Variants in FSTL4 observed in about 807,000 individuals in gnomAD.
FSTL4 encodes the protein follistatin like 4.
FSTL4 carries 28 observed loss-of-function variants against 78.2 expected under a neutral mutation model. The observed-to-expected ratio is 0.36, with a 90% confidence interval of 0.27 to 0.49. FSTL4 has a LOEUF of 0.49. Ranked by LOEUF, FSTL4 falls within the 20% of genes least tolerant of loss-of-function variation. The pLI, the probability that FSTL4 is intolerant of heterozygous loss-of-function variation, is 0.98. For synonymous variants in FSTL4, 422 were observed against 440.5 expected, an observed-to-expected ratio of 0.96 and a Z score of 0.53; for missense variants, 922 against 1,084.9, an observed-to-expected ratio of 0.85 and a Z score of 2.11.
At chr5:133,231,921 G>A (rs78417974) in intron 8 of FSTL4, among the ~76,000 whole-genome samples, 4,530 of 152,166 alleles carry the variant, frequency 0.03, 229 homozygotes, top group African/African-American at 0.1. Context: ...GGGAAACACC[G>A]ACCATTCCCA....
intron 3 of FSTL4, among the ~76,000 whole-genome samples, chr5:133,504,189 T>TCGGGGGGAGG (rs1418639086): frequency 1.6e-4 from 24 of 152,102 alleles, no homozygotes; most frequent in Non-Finnish European, 3.2e-4. Flanking sequence ...ATCAATCATT[T>TCGGGGGGAGG]ACCCCCAAAA....
intron 8 of FSTL4, among the ~76,000 whole-genome samples, chr5:133,232,117 C>T (rs1045698228): frequency 1.3e-5 from 2 of 152,096 alleles, no homozygotes; most frequent in African/African-American, 4.8e-5. Context: ...ATTTCTTTTT[C>T]CTTCCTATGA....
At chr5:133,760,304 C>T in the FSTL4 span, among the ~76,000 whole-genome samples, 1 of 152,140 alleles carries the variant, frequency 6.6e-6, no homozygotes, top group African/African-American at 2.4e-5. Context: ...TCCAGTCTCA[C>T]CAGAATTATG....
the FSTL4 span, among the ~76,000 whole-genome samples, chr5:133,649,809 C>T: frequency 5.3e-5 from 8 of 151,964 alleles, no homozygotes; most frequent in African/African-American, 1.9e-4. Flanking sequence ...TGTAGTCTGC[C>T]TTTTCATTCT....
intron 3 of FSTL4, among the ~76,000 whole-genome samples, chr5:133,563,329 C>T (rs964835757): frequency 1.3e-5 from 2 of 152,214 alleles, no homozygotes; most frequent in African/African-American, 4.8e-5. Flanking sequence ...ACATAAGGTA[C>T]AAACACCCTT....
intron 6 of FSTL4, among the ~76,000 whole-genome samples, chr5:133,284,207 G>A (rs919997245): frequency 6.6e-6 from 1 of 152,198 alleles, no homozygotes; most frequent in Non-Finnish European, 1.5e-5. Flanking sequence ...CTTCTCTCAC[G>A]CTGATCCAGC....
chr5:133,674,312 C>T, the FSTL4 span, among the ~76,000 whole-genome samples: 1 of 152,104 alleles, frequency 6.6e-6, no homozygotes, highest in Non-Finnish European at 1.5e-5. Context: ...ATATTTGTTC[C>T]CACCTACTAC....
the FSTL4 span, among the ~76,000 whole-genome samples, chr5:133,632,497 G>A: frequency 6.6e-6 from 1 of 152,072 alleles, no homozygotes; most frequent in Non-Finnish European, 1.5e-5. Context: ...TTTCAAGGTA[G>A]TTCTGCTGGA....
chr5:133,719,394 G>C, the FSTL4 span, among the ~76,000 whole-genome samples: 1 of 152,018 alleles, frequency 6.6e-6, no homozygotes, highest in Non-Finnish European at 1.5e-5. Context: ...TTGAGGCCAG[G>C]CGCGATGGCT....
rs1372687737 is a variant in FSTL4, at chr5:133,197,890, G to A, written c.*1205C>T. 1 of 152,408 alleles carries A rather than the reference G, an allele frequency of 6.6e-6. No individual in the cohort carries two copies. Among genetic ancestry groups the A allele is most frequent in the African/African-American group, 2.4e-5 (1 of 41,438 alleles). 9.4% of individuals were successfully genotyped at this position (152,408 alleles called of 1,614,324 possible). A position where few individuals can be genotyped will look rare whatever the true frequency, so the allele number is the denominator to read the frequency against. ...ACAGCCTGAGACACATAAGGAGAAT[G>A]CAGTAGTGCCAGCCTGTGGCCTTCT... is the stretch of plus-strand genomic sequence containing the variant. On this transcript the variant is annotated 3_prime_UTR_variant, in exon 16 of 16. Transcript: ENST00000265342.
At chr5:133,561,548 C>G (rs1441399132) in intron 3 of FSTL4, among the ~76,000 whole-genome samples, 1 of 152,078 alleles carries the variant, frequency 6.6e-6, no homozygotes, top group African/African-American at 2.4e-5. Flanking sequence ...TTGTGGCCAT[C>G]CTGGAAGGCT....
intron 3 of FSTL4, among the ~76,000 whole-genome samples, chr5:133,487,128 G>A (rs1434654741): frequency 6.6e-6 from 1 of 152,202 alleles, no homozygotes; most frequent in Admixed American, 6.5e-5. Flanking sequence ...GAAGGACCCT[G>A]TGAGCACATT....
intron 3 of FSTL4, among the ~76,000 whole-genome samples, chr5:133,428,810 C>T (rs1795378139): frequency 6.6e-6 from 1 of 152,178 alleles, no homozygotes; most frequent in South Asian, 2.1e-4. Context: ...ATTGTCAATG[C>T]CAGCCCAGGG....
At chr5:133,495,447 G>T (rs751356731) in intron 3 of FSTL4, among the ~76,000 whole-genome samples, 3 of 152,174 alleles carry the variant, frequency 2.0e-5, no homozygotes, top group African/African-American at 4.8e-5. Flanking sequence ...CATCTCTAAG[G>T]GGATGAGCGA....
chr5:133,498,053 A>T (rs1200350080), intron 3 of FSTL4, among the ~76,000 whole-genome samples: 1 of 152,102 alleles, frequency 6.6e-6, no homozygotes, highest in African/African-American at 2.4e-5. Flanking sequence ...GGAGAGAGGG[A>T]AGCCTCTGCT....
rs1449346174 is a variant in FSTL4 at position 133,338,406 on chromosome 5, C to T, written c.410-21754G>A. ...GTTCTCAGGCCCTTTTAAAGGTGGT[C>T]GTTGCTGAGAGTATTTGGCTGCTTC... is the stretch of plus-strand genomic sequence containing the variant. On this transcript the variant is annotated intron_variant, in intron 4 of 15. Coordinates refer to ENST00000265342, the MANE Select transcript of FSTL4 (RefSeq NM_015082.2). The surrounding 1 kb of genome is among the most constrained non-coding windows in gnomAD (Gnocchi z 4.0). Among the ~76,000 whole-genome samples, 3 of 152,260 alleles carry T rather than the reference C, an allele frequency of 2.0e-5. No individual in the cohort carries two copies. The highest frequency in any genetic ancestry group is 2.1e-4 in the South Asian group (1 of 4,822).
At chr5:133,471,440 G>A (rs956679465) in intron 3 of FSTL4, among the ~76,000 whole-genome samples, 1 of 152,134 alleles carries the variant, frequency 6.6e-6, no homozygotes, top group African/African-American at 2.4e-5. Context: ...GCCTTTGGGA[G>A]GTGATTAGGT....
chr5:133,224,073 T>C, intron 11 of FSTL4, 117 bp downstream of exon 11: 5 of 689,332 alleles, frequency 7.3e-6, no homozygotes, highest in Non-Finnish European at 1.3e-5. Flanking sequence ...ATTGACTTCC[T>C]GCTCCCATAG....
intron 3 of FSTL4, among the ~76,000 whole-genome samples, chr5:133,500,946 G>GA (rs111455708): frequency 1.0e-3 from 151 of 146,074 alleles, no homozygotes; most frequent in Middle Eastern, 3.7e-3. Flanking sequence ...TTTGCTTCAT[G>GA]AAAAAAAAAA....
Sources: allele counts gnomAD v4.1 joint callset (sites outside exome capture counted in the v4.1 genomes callset), GRCh38; gene constraint gnomAD v4.1.1; non-coding constraint Gnocchi (gnomAD v3.1); transcripts MANE v1.5; gene names NCBI Gene and HGNC (gene_info 2026-07-23, HGNC 2026-07-21).